ST6GALNAC5: variants seen among roughly 807,000 people sequenced by gnomAD.
The protein encoded by ST6GALNAC5 is ST6 N-acetylgalactosaminide alpha-2,6-sialyltransferase 5.
Under a neutral mutation model 33.6 loss-of-function variants are expected in ST6GALNAC5, and 27 were observed. The ratio of observed to expected loss-of-function variants is 0.80; its 90% CI spans 0.59 to 1.11. The LOEUF is 1.11. Among genes scored for constraint, ST6GALNAC5 ranks in the 50% least tolerant of loss-of-function variants. The pLI, the probability that ST6GALNAC5 is intolerant of heterozygous loss-of-function variation, is 0.00. For missense variants in ST6GALNAC5, 428 were observed against 454.0 expected, an observed-to-expected ratio of 0.94 and a Z score of 0.52; for synonymous variants, 194 against 171.2, an observed-to-expected ratio of 1.13 and a Z score of -1.04.
At chr1:77,058,422 A>G (rs1652470940) in intron 4 of ST6GALNAC5, among the ~76,000 whole-genome samples, 1 of 152,184 alleles carries the variant, frequency 6.6e-6, no homozygotes, top group African/African-American at 2.4e-5. Context: ...GGGGCGGGGC[A>G]TGAGTGAGTT....
At chr1:76,983,556 A>T (rs895290898) in intron 2 of ST6GALNAC5, among the ~76,000 whole-genome samples, 2 of 152,142 alleles carry the variant, frequency 1.3e-5, no homozygotes, top group African/African-American at 4.8e-5. Flanking sequence ...CTCCCACACA[A>T]TAATAATGGG....
intron 2 of ST6GALNAC5, among the ~76,000 whole-genome samples, chr1:76,919,019 C>T (rs1647004573): frequency 6.6e-6 from 1 of 152,046 alleles, no homozygotes; most frequent in Non-Finnish European, 1.5e-5. Context: ...TTAGCAATGC[C>T]TCGGTTCTCA....
chr1:76,993,308 T>C (rs1649808299), intron 2 of ST6GALNAC5, among the ~76,000 whole-genome samples: 1 of 152,238 alleles, frequency 6.6e-6, no homozygotes, highest in African/African-American at 2.4e-5. Flanking sequence ...CAGGGCTGTA[T>C]TGTAGTTTTC....
intron 4 of ST6GALNAC5, among the ~76,000 whole-genome samples, chr1:77,056,039 G>C (rs953051829): frequency 6.6e-6 from 1 of 152,196 alleles, no homozygotes; most frequent in Non-Finnish European, 1.5e-5. Flanking sequence ...TTTTCAGCCA[G>C]AGCCAGCTCT....
At chr1:77,023,693 G>T (rs1651134278) in intron 2 of ST6GALNAC5, among the ~76,000 whole-genome samples, 1 of 152,202 alleles carries the variant, frequency 6.6e-6, no homozygotes, top group African/African-American at 2.4e-5. Flanking sequence ...TTCTCTATCT[G>T]TTGCACTTTA....
At chr1:76,915,792 A>G (rs999496595) in intron 2 of ST6GALNAC5, among the ~76,000 whole-genome samples, 12 of 152,028 alleles carry the variant, frequency 7.9e-5, no homozygotes, top group Non-Finnish European at 1.6e-4. Flanking sequence ...ATGTATACAT[A>G]GGTAAGTAAC....
At chr1:76,946,300 C>G (rs1447828123) in intron 2 of ST6GALNAC5, among the ~76,000 whole-genome samples, 1 of 152,078 alleles carries the variant, frequency 6.6e-6, no homozygotes, top group Non-Finnish European at 1.5e-5. Flanking sequence ...TTTCCTCCAC[C>G]AGGTCCAGGA....
chr1:76,981,877 A>G (rs1261212517), intron 2 of ST6GALNAC5, among the ~76,000 whole-genome samples: 2 of 152,206 alleles, frequency 1.3e-5, no homozygotes, highest in Non-Finnish European at 2.9e-5. Flanking sequence ...CAGGGTCTGG[A>G]GTGGAACTCC....
intron 2 of ST6GALNAC5, among the ~76,000 whole-genome samples, chr1:76,899,322 T>G (rs1347135726): frequency 3.5e-5 from 5 of 143,088 alleles, no homozygotes; most frequent in African/African-American, 5.3e-5. Flanking sequence ...AGAGAAGGGG[T>G]GGGGGTTTCT....
At chr1:76,931,121 G>A (rs1052226306) in intron 2 of ST6GALNAC5, among the ~76,000 whole-genome samples, 3 of 152,102 alleles carry the variant, frequency 2.0e-5, no homozygotes, top group African/African-American at 7.2e-5. Flanking sequence ...CCCTGTTGGG[G>A]GACCTGCATA....
chr1:76,961,559 C>T (rs900714283), intron 2 of ST6GALNAC5, among the ~76,000 whole-genome samples: 1 of 152,198 alleles, frequency 6.6e-6, no homozygotes, highest in Non-Finnish European at 1.5e-5. Flanking sequence ...GCTACTCCAA[C>T]TCCCTTGCTG....
At chr1:77,003,505 T>C (rs1002263243) in intron 2 of ST6GALNAC5, among the ~76,000 whole-genome samples, 1 of 149,026 alleles carries the variant, frequency 6.7e-6, no homozygotes, top group African/African-American at 2.5e-5. Flanking sequence ...AAAGTTAATA[T>C]TGTTATGTGT....
At chr1:76,881,137 A>G (rs571886683) in intron 2 of ST6GALNAC5, among the ~76,000 whole-genome samples, 1 of 152,278 alleles carries the variant, frequency 6.6e-6, no homozygotes, top group Non-Finnish European at 1.5e-5. Flanking sequence ...CTTAAATAAT[A>G]TTGTCATCCG....
rs1397534212 is a variant in ST6GALNAC5, at chr1:77,003,390, C to A, written c.262-40814C>A. 2.7e-5 allele frequency among the ~76,000 whole-genome samples: 4 copies of A among 148,830 alleles called. No homozygotes were observed. The East Asian group carries it at 8.1e-4, about 30-fold the overall frequency. On this transcript the variant is annotated intron_variant, in intron 2 of 4. Coordinates refer to ENST00000477717, the MANE Select transcript of ST6GALNAC5 (RefSeq NM_030965.3). ...TATTTTGAGCCTATGTGTGTCTCTG[C>A]ACGTGAGATGGGTTTCCTGAATACA...
At position 77,064,261 on chromosome 1, in the gene ST6GALNAC5, T is replaced by C. The variant is rs1277265225; in HGVS notation, c.*1055T>C. On this transcript the variant is annotated 3_prime_UTR_variant, in exon 5 of 5. Transcript: ENST00000477717. The stretch of plus-strand genomic sequence containing the variant: ...CCCCAACAGTAGCAGGAACTTTATT[T>C]TGGGGAGCCTTATCTACATTCATAT... 1 of 152,094 alleles carries C rather than the reference T, an allele frequency of 6.6e-6. No homozygotes were observed. Among genetic ancestry groups the C allele is most frequent in the African/African-American group, 2.4e-5 (1 of 41,416 alleles). The allele number at this position is 152,094 out of a possible 1,614,324, so 9.4% of individuals were successfully genotyped here.
intron 2 of ST6GALNAC5, among the ~76,000 whole-genome samples, chr1:76,937,106 G>T (rs749258345): frequency 5.9e-5 from 9 of 151,888 alleles, no homozygotes; most frequent in South Asian, 2.1e-4. Flanking sequence ...AGTGGTATGG[G>T]TGATAGAATA....
chr1:77,001,394 T>C (rs1472444311), intron 2 of ST6GALNAC5, among the ~76,000 whole-genome samples: 1 of 125,192 alleles, frequency 8.0e-6, no homozygotes, highest in Non-Finnish European at 1.7e-5. Context: ...GATTTTGGGC[T>C]GAGACAATGG....
At chr1:76,904,113 G>A (rs190431636) in intron 2 of ST6GALNAC5, among the ~76,000 whole-genome samples, 11 of 152,334 alleles carry the variant, frequency 7.2e-5, no homozygotes, top group Admixed American at 5.2e-4. Context: ...GGCCCAGGCC[G>A]CATGCTTCTG....
At chr1:76,991,197 A>G (rs897525117) in intron 2 of ST6GALNAC5, among the ~76,000 whole-genome samples, 3 of 152,200 alleles carry the variant, frequency 2.0e-5, no homozygotes, top group Non-Finnish European at 2.9e-5. Flanking sequence ...GGATCCACCA[A>G]TTGCTTTTAT....
Sources: gnomAD v4.1 joint callset for allele counts (sites outside exome capture counted in the v4.1 genomes callset) on GRCh38, gnomAD v4.1.1 for gene constraint, MANE v1.5 for transcripts, NCBI Gene and HGNC (gene_info 2026-07-23, HGNC 2026-07-21) for gene names.